CPA6: variants seen among roughly 807,000 people sequenced by gnomAD.
The protein encoded by CPA6 is carboxypeptidase A6.
A neutral mutation model predicts 63.3 loss-of-function variants in CPA6; 58 were observed. The observed-to-expected ratio is 0.92, with a 90% CI of 0.74 to 1.14. CPA6 has a LOEUF of 1.14. CPA6 is among the 50% of genes most tolerant of loss of function. The pLI, the probability that CPA6 is intolerant of heterozygous loss-of-function variation, is 0.00. For missense variants in CPA6, 565 were observed against 526.6 expected (o/e 1.07, Z -0.71); for synonymous variants, 185 against 179.0 (o/e 1.03, Z -0.27).
chr8:67,475,541 C>T (rs1466111333), intron 8 of CPA6, among the ~76,000 whole-genome samples: 1 of 152,152 alleles, frequency 6.6e-6, no homozygotes, highest in African/African-American at 2.4e-5. Context: ...AAGCTGCAGG[C>T]TTGCTTGGGA....
At chr8:67,475,817 CCTT>C (rs1232221500) in intron 8 of CPA6, among the ~76,000 whole-genome samples, 25 of 31,558 alleles carry the variant, frequency 7.9e-4, no homozygotes, top group African/African-American at 3.7e-3. Context: ...TTCTTTCTTT[CCTT>C]TCTTTTCTTT....
chr8:67,653,709 C>G (rs1227108275), intron 1 of CPA6, among the ~76,000 whole-genome samples: 1 of 152,072 alleles, frequency 6.6e-6, no homozygotes, highest in Non-Finnish European at 1.5e-5. Context: ...TTGACTTCCT[C>G]TTTTCCTAAT....
intron 3 of CPA6, among the ~76,000 whole-genome samples, chr8:67,512,456 G>A (rs779900324): frequency 2.7e-4 from 41 of 152,330 alleles, no homozygotes; most frequent in Non-Finnish European, 1.8e-4. Context: ...GAGAAGAGAA[G>A]CTCAGCCAAT....
chr8:67,437,394 C>CAAAACAAAACAAAAT (rs1339048520), intron 8 of CPA6, among the ~76,000 whole-genome samples: 1 of 150,884 alleles, frequency 6.6e-6, no homozygotes. Flanking sequence ...GACTCTGTCT[C>CAAAACAAAACAAAAT]AAAACAAAAC....
intron 2 of CPA6, among the ~76,000 whole-genome samples, chr8:67,600,194 G>A (rs78914251): frequency 0.035 from 5,249 of 151,672 alleles, 174 homozygotes; most frequent in African/African-American, 0.092. Context: ...TGAAAAGGAC[G>A]CTTTTCTTAA....
chr8:67,590,769 T>C (rs1814098809), intron 2 of CPA6, among the ~76,000 whole-genome samples: 1 of 150,902 alleles, frequency 6.6e-6, no homozygotes, highest in Non-Finnish European at 1.5e-5. Flanking sequence ...GAGTTCATTG[T>C]AGATTCTGGA....
chr8:67,697,582 G>A (rs552175068), intron 1 of CPA6, among the ~76,000 whole-genome samples: 6 of 152,200 alleles, frequency 3.9e-5, no homozygotes, highest in South Asian at 2.1e-4. Flanking sequence ...ATTCTCTTCC[G>A]CTTTACCTCT....
At chr8:67,467,508 CAG>C (rs1810953401) in intron 8 of CPA6, among the ~76,000 whole-genome samples, 1 of 152,176 alleles carries the variant, frequency 6.6e-6, no homozygotes, top group African/African-American at 2.4e-5. Context: ...TAACCAGAAA[CAG>C]AGTCATCCTG....
Position 67,506,874 on chromosome 8 carries a change from T to C in CPA6, c.549A>G (p.Ser183=). 6.2e-7 allele frequency: 1 copy of C among 1,613,260 alleles called. No individual in the cohort carries two copies. The highest frequency in any genetic ancestry group is 8.5e-7 in the Non-Finnish European group (1 of 1,179,320). ...CTATCCAAACAGCTCTTTTGAGTCG[T>C]GATCGTCTGCCCAGCTGAAAACAAG... ...SLFILKLGRR[S]RLKRAVWIDC... is the part of the protein sequence containing the mutation. The change falls in exon 6 of 11, where the codon TCA becomes TCG. Residue 183 remains serine, a synonymous_variant. Transcript: ENST00000297770.
At chr8:67,573,776 C>T (rs1389077081) in intron 2 of CPA6, among the ~76,000 whole-genome samples, 3 of 150,888 alleles carry the variant, frequency 2.0e-5, no homozygotes, top group African/African-American at 4.9e-5. Flanking sequence ...CCTGTAGTCC[C>T]AGCTACTCGG....
chr8:67,496,516 AGTT>A (rs1377512004), intron 6 of CPA6, among the ~76,000 whole-genome samples: 1 of 87,892 alleles, frequency 1.1e-5, no homozygotes, highest in East Asian at 3.1e-4. Context: ...ACCACTATAT[AGTT>A]TATATATATA....
At position 67,436,313 on chromosome 8, in the gene CPA6, G is replaced by T. The variant is rs752037665; in HGVS notation, c.839-2073C>A. On this transcript the variant is annotated intron_variant, in intron 8 of 10. Coordinates refer to ENST00000297770, the MANE Select transcript of CPA6 (RefSeq NM_020361.5). ...GGGTAGGGGTTTCCAGCTTCCCCAG[G>T]CTCCGGCCTTGTCAGTCTCTTTGCA... Among the ~76,000 whole-genome samples the T allele has an allele frequency of 5.0e-4, 76 of 151,956 alleles. No individual in the cohort carries two copies. The Middle Eastern group carries it at 0.014, about 27-fold the overall frequency.
At chr8:67,522,183 G>A (rs569644945) in intron 2 of CPA6, among the ~76,000 whole-genome samples, 6 of 151,988 alleles carry the variant, frequency 3.9e-5, no homozygotes, top group South Asian at 2.1e-4. Flanking sequence ...TTTCAGGCCC[G>A]CCCATGGACC....
rs535383971 is a variant in CPA6, at chr8:67,620,726, G to A, written c.192+3450C>T. On this transcript the variant is annotated intron_variant, in intron 2 of 10. Transcript: ENST00000297770. ...TAAAATGACATCAAGGTAACGCAAT[G>A]CTTTTAGATAGAAATTTATCGAAAC... Among the ~76,000 whole-genome samples the A allele has an allele frequency of 2.4e-4, 37 of 152,258 alleles. 1 individual carries two copies. The East Asian group carries it at 4.2e-3, about 17-fold the overall frequency.
chr8:67,600,437 A>G (rs1322970153), intron 2 of CPA6, among the ~76,000 whole-genome samples: 1 of 152,204 alleles, frequency 6.6e-6, no homozygotes, highest in African/African-American at 2.4e-5. Context: ...CAAAAGATCT[A>G]TTGTACAATG....
At chr8:67,530,443 GAC>G (rs1378265148) in intron 2 of CPA6, among the ~76,000 whole-genome samples, 1 of 152,078 alleles carries the variant, frequency 6.6e-6, no homozygotes, top group Non-Finnish European at 1.5e-5. Context: ...GAGGAGTAAC[GAC>G]AAACTAGTCC....
intron 1 of CPA6, among the ~76,000 whole-genome samples, chr8:67,724,395 A>C (rs554910083): frequency 5.8e-4 from 88 of 152,294 alleles, no homozygotes; most frequent in African/African-American, 2.0e-3. Context: ...TCAACTCTGC[A>C]GCGAACTTAC....
intron 6 of CPA6, among the ~76,000 whole-genome samples, chr8:67,506,445 A>G (rs1017803567): frequency 1.1e-4 from 16 of 152,334 alleles, no homozygotes; most frequent in African/African-American, 3.4e-4. Flanking sequence ...GATATCTTGT[A>G]AGAAATTATT....
intron 2 of CPA6, among the ~76,000 whole-genome samples, chr8:67,572,689 T>C (rs1209414522): frequency 1.3e-5 from 2 of 152,224 alleles, no homozygotes; most frequent in Non-Finnish European, 2.9e-5. Flanking sequence ...TCTTCATGAC[T>C]GAATTCTACC....
Sources: allele counts gnomAD v4.1 joint callset (sites outside exome capture counted in the v4.1 genomes callset), GRCh38; gene constraint gnomAD v4.1.1; transcripts MANE v1.5; gene names NCBI Gene and HGNC (gene_info 2026-07-23, HGNC 2026-07-21).